Variants in CD244 observed in about 807,000 individuals in gnomAD.
CD244 encodes natural killer cell receptor 2B4.
Under a neutral mutation model 45.5 loss-of-function variants are expected in CD244, and 20 were observed. The ratio of observed to expected loss-of-function variants is 0.44; its 90% CI spans 0.31 to 0.64. The LOEUF is 0.64. Among genes scored for constraint, CD244 ranks in the 30% least tolerant of loss-of-function variants. The probability of loss-of-function intolerance (pLI) is 0.08; values close to 1 mark genes in which losing one functional copy is unlikely to be tolerated. For synonymous variants in CD244, 185 were observed against 160.5 expected (o/e 1.15, Z -1.15); for missense variants, 407 against 426.9 (o/e 0.95, Z 0.41).
At chr1:160,834,788 C>G (rs1400821887) in intron 6 of CD244, among the ~76,000 whole-genome samples, 2 of 152,240 alleles carry the variant, frequency 1.3e-5, no homozygotes, top group Non-Finnish European at 2.9e-5. Context: ...AAACCCAAGA[C>G]TCTCCAGGGC....
Position 160,831,410 on chromosome 1 carries a change from A to G in CD244, c.1035T>C (p.Pro345=). ...TCAATCGAGCAGGGTTCTGGGCTTT[A>G]GGTTGACTCTTTCCAATCTGCAAAA... ...TIYEVIGKSQ[P]KAQNPARLSR... Residue 345 remains proline (P), a synonymous_variant, in exon 9 of 9, where the codon CCT becomes CCC. Transcript: ENST00000368034. The G allele has an allele frequency of 6.2e-7, 1 of 1,613,960 alleles. No homozygotes were observed. Among genetic ancestry groups the G allele is most frequent in the Non-Finnish European group, 8.5e-7 (1 of 1,179,810 alleles).
intron 6 of CD244, 150 bp from the exon 7 acceptor site, chr1:160,834,266 C>T (rs1426750458): frequency 1.6e-5 from 10 of 618,624 alleles, no homozygotes; most frequent in Non-Finnish European, 2.9e-5. Flanking sequence ...GGAGGTCAGA[C>T]AACCTGAGTG....
chr1:160,848,939 G>C (rs568368822), intron 1 of CD244, among the ~76,000 whole-genome samples: 27 of 152,328 alleles, frequency 1.8e-4, no homozygotes, highest in Admixed American at 1.5e-3. Flanking sequence ...ACCCAAGGAG[G>C]GGGTTGTGAG....
chr1:160,848,623 C>T (rs1571109271), intron 1 of CD244: 2 of 344,848 alleles, frequency 5.8e-6, no homozygotes, highest in East Asian at 1.4e-4. Flanking sequence ...TGGGTTTCTC[C>T]ACTCAGCCTG....
intron 5 of CD244, 152 bp downstream of exon 5, chr1:160,838,299 G>A (rs1571092264): frequency 2.9e-6 from 2 of 700,640 alleles, no homozygotes; most frequent in African/African-American, 1.8e-5. Flanking sequence ...GAACTAGGAA[G>A]CAGGTGGAGA....
At chr1:160,852,081 A>T (rs968609849) in intron 1 of CD244, among the ~76,000 whole-genome samples, 1 of 152,220 alleles carries the variant, frequency 6.6e-6, no homozygotes, top group African/African-American at 2.4e-5. Context: ...TGACAATAAT[A>T]GACTGGAAAT....
intron 5 of CD244, among the ~76,000 whole-genome samples, chr1:160,837,487 T>A (rs1669373929): frequency 6.6e-6 from 1 of 152,004 alleles, no homozygotes; most frequent in South Asian, 2.1e-4. Context: ...CAAAAATAAA[T>A]AAATAAATAA....
At chr1:160,837,293 TC>T (rs1669367783) in intron 5 of CD244, among the ~76,000 whole-genome samples, 2 of 152,196 alleles carry the variant, frequency 1.3e-5, no homozygotes, top group Non-Finnish European at 2.9e-5. Flanking sequence ...CAAGTCATCT[TC>T]TTTTTGGAAA....
At chr1:160,833,978 T>A (rs1669229773) in intron 7 of CD244, 73 bp downstream of exon 7, 1 of 1,066,848 alleles carries the variant, frequency 9.4e-7, no homozygotes, top group East Asian at 2.4e-5. Context: ...GCACACACAC[T>A]CTCACTGCAA....
intron 4 of CD244, 155 bp downstream of exon 4, chr1:160,838,784 C>A (rs1013856813): frequency 4.0e-5 from 25 of 624,184 alleles, no homozygotes; most frequent in African/African-American, 3.0e-4. Context: ...AGCCTAGCAA[C>A]CTGCTTGCCC....
rs192577232 is a variant in CD244, at chr1:160,850,345, A to G, written c.62-8444T>C. ...TAAAGAGCTAAATAAACAGGAGACT[A>G]TACCATGGTTTTTATTGGAAGACTT... On this transcript the variant is annotated intron_variant, in intron 1 of 8. Transcript: ENST00000368034. Among the ~76,000 whole-genome samples the G allele has an allele frequency of 2.7e-3, 407 of 152,272 alleles. 3 individuals are homozygous for G. The highest frequency in any genetic ancestry group is 9.2e-3 in the African/African-American group (382 of 41,572).
Position 160,841,493 on chromosome 1 carries a change from C to T in CD244, c.380-8G>A. ...GGGGTTTCTCAACTTTATCTGGAAG[C>T]AGAGATTCTGATCAGAAAGGCATTG... On this transcript the variant is annotated splice_polypyrimidine_tract_variant and splice_region_variant and intron_variant, in intron 2 of 8. Coordinates refer to ENST00000368034, the MANE Select transcript of CD244 (RefSeq NM_016382.4). 1 of 1,613,868 alleles carries T rather than the reference C, an allele frequency of 6.2e-7. No individual in the cohort carries two copies. The highest frequency in any genetic ancestry group is 1.1e-5 in the South Asian group (1 of 91,084).
At chr1:160,854,604 G>C (rs560591868) in intron 1 of CD244, among the ~76,000 whole-genome samples, 2 of 150,590 alleles carry the variant, frequency 1.3e-5, no homozygotes, top group Admixed American at 1.3e-4. Flanking sequence ...ATATTGGCCA[G>C]GCTGGTCTTG....
Position 160,836,230 on chromosome 1 carries a change from C to T in CD244, c.859G>A (p.Gly287Arg), listed in dbSNP as rs765258396. The change falls in exon 6 of 9, where the codon GGG becomes AGG. Residue 287 changes from glycine to arginine, a missense_variant. Coordinates refer to ENST00000368034, the MANE Select transcript of CD244 (RefSeq NM_016382.4). ...NHEQEQTFPG[G>R]GSTIYSMIQS... is the part of the protein sequence containing the mutation. The stretch of plus-strand genomic sequence containing the variant: ...ATCATAGAGTAGATGGTGCTCCCCC[C>T]TCCAGGAAAAGTCTGCTCCTGCTCC... 1.9e-6 allele frequency: 3 copies of T among 1,613,778 alleles called. No homozygotes were observed. Among genetic ancestry groups the T allele is most frequent in the African/African-American group, 1.3e-5 (1 of 74,920 alleles).
In CD244 at chr1:160,841,512, G is replaced by A. The variant is rs572603366; in HGVS notation, c.380-27C>T. On this transcript the variant is annotated intron_variant, in intron 2 of 8. Coordinates refer to ENST00000368034, the MANE Select transcript of CD244 (RefSeq NM_016382.4). ...TGGAAGCAGAGATTCTGATCAGAAA[G>A]GCATTGGAAATACAGAACTTAGAGG... is the stretch of plus-strand genomic sequence containing the variant. The A allele has an allele frequency of 5.8e-5, 94 of 1,613,476 alleles. 1 individual carries two copies. In the South Asian group the frequency reaches 9.7e-4, roughly 17 times the overall value.
chr1:160,859,242 G>C (rs989184222), intron 1 of CD244, among the ~76,000 whole-genome samples: 14 of 152,164 alleles, frequency 9.2e-5, no homozygotes, highest in Admixed American at 8.5e-4. Flanking sequence ...CAGAGAGCGA[G>C]GTCCAGGACC....
intron 4 of CD244, 147 bp downstream of exon 4, chr1:160,838,792 C>A (rs1233258709): frequency 7.9e-6 from 5 of 630,550 alleles, no homozygotes; most frequent in Admixed American, 5.8e-5. Context: ...AACCTGCTTG[C>A]CCCCCGCCAC....
chr1:160,855,414 T>C (rs1365292989), intron 1 of CD244, among the ~76,000 whole-genome samples: 3 of 152,112 alleles, frequency 2.0e-5, no homozygotes, highest in Non-Finnish European at 4.4e-5. Context: ...TGAGTTTCCA[T>C]GGACGGCCTG....
At chr1:160,850,881 C>T (rs1571112794) in intron 1 of CD244, among the ~76,000 whole-genome samples, 1 of 152,340 alleles carries the variant, frequency 6.6e-6, no homozygotes, top group South Asian at 2.1e-4. Flanking sequence ...GATTGTTTTA[C>T]CTGCGCTTCT....
Sources: gnomAD v4.1 joint callset for allele counts (sites outside exome capture counted in the v4.1 genomes callset) on GRCh38, gnomAD v4.1.1 for gene constraint, MANE v1.5 for transcripts, NCBI Gene and HGNC (gene_info 2026-07-23, HGNC 2026-07-21) for gene names.